The following SPHKAP variants were observed in gnomAD, a reference collection of about 807,000 sequenced individuals.
SPHKAP encodes the protein A-kinase anchor protein SPHKAP.
SPHKAP carries 67 observed loss-of-function variants against 137.5 expected under a neutral mutation model. That is an observed-to-expected ratio of 0.49 (90% confidence interval 0.40 to 0.60). The LOEUF is 0.60. Among genes scored for constraint, SPHKAP ranks in the 20% least tolerant of loss-of-function variants. SPHKAP has a pLI of 0.00. For synonymous variants in SPHKAP, 813 were observed against 785.3 expected (o/e 1.04, Z -0.59); for missense variants, 2,097 against 2,069.3 (o/e 1.01, Z -0.26).
intron 3 of SPHKAP, among the ~76,000 whole-genome samples, chr2:228,030,341 C>G (rs1695238525): frequency 6.6e-6 from 1 of 151,762 alleles, no homozygotes; most frequent in South Asian, 2.1e-4. Flanking sequence ...TGGTGAAACC[C>G]CGTCTCTACT....
At chr2:228,009,042 G>T (rs1052051078) in intron 7 of SPHKAP, among the ~76,000 whole-genome samples, 1 of 152,172 alleles carries the variant, frequency 6.6e-6, no homozygotes, top group African/African-American at 2.4e-5. Context: ...GGATTGTAAT[G>T]AATCTATAGA....
At chr2:228,025,624 TCATA>T in intron 4 of SPHKAP, 96 bp from the exon 5 acceptor site, 2 of 1,434,018 alleles carry the variant, frequency 1.4e-6, no homozygotes, top group Non-Finnish European at 1.9e-6. Context: ...TCATAACTGC[TCATA>T]CATATAGACT....
intron 11 of SPHKAP, chr2:227,982,223 C>T: frequency 3.5e-5 from 34 of 985,072 alleles, no homozygotes; most frequent in Non-Finnish European, 4.1e-5. Context: ...TATTACAGCT[C>T]CCAGTCCCTT....
At chr2:227,991,393 G>A in intron 9 of SPHKAP, 67 bp from the exon 10 acceptor site, 2 of 1,610,960 alleles carry the variant, frequency 1.2e-6, no homozygotes, top group East Asian at 4.5e-5. Context: ...TGAAAGATGA[G>A]GCGATGGGTC....
chr2:228,151,606 C>G (rs1486415442), intron 1 of SPHKAP, among the ~76,000 whole-genome samples: 1 of 152,066 alleles, frequency 6.6e-6, no homozygotes, highest in Admixed American at 6.5e-5. Context: ...TGTTTCCTGA[C>G]TTTTTAATGA....
intron 3 of SPHKAP, among the ~76,000 whole-genome samples, chr2:228,092,138 T>TATAC (rs761096866): frequency 7.4e-6 from 1 of 135,578 alleles, no homozygotes; most frequent in Non-Finnish European, 1.6e-5. Context: ...TATATGTGTG[T>TATAC]ACACATATAT....
intron 7 of SPHKAP, chr2:227,995,927 C>T (rs1693625740): frequency 1.0e-6 from 1 of 982,224 alleles, no homozygotes; most frequent in African/African-American, 1.7e-5. Context: ...TGACTCCCTC[C>T]AATCATTTGA....
intron 3 of SPHKAP, among the ~76,000 whole-genome samples, chr2:228,072,011 A>C (rs1159602101): frequency 6.6e-6 from 1 of 152,232 alleles, no homozygotes; most frequent in Non-Finnish European, 1.5e-5. Flanking sequence ...ACTGAGCAGC[A>C]CAGATTGGCC....
At chr2:228,113,188 A>G (rs199518897) in intron 2 of SPHKAP, among the ~76,000 whole-genome samples, 1 of 151,872 alleles carries the variant, frequency 6.6e-6, no homozygotes. Context: ...AATAAGATAT[A>G]TTTTTCCATA....
chr2:228,046,480 G>T (rs546246231), intron 3 of SPHKAP, among the ~76,000 whole-genome samples: 34 of 152,012 alleles, frequency 2.2e-4, no homozygotes, highest in East Asian at 1.4e-3. Flanking sequence ...AATAAATTTT[G>T]CACTTAAATT....
intron 3 of SPHKAP, among the ~76,000 whole-genome samples, chr2:228,071,285 C>A (rs1052465331): frequency 6.6e-6 from 1 of 152,184 alleles, no homozygotes; most frequent in Non-Finnish European, 1.5e-5. Flanking sequence ...AGTTTTCCCC[C>A]CAAATAGGGC....
intron 11 of SPHKAP, among the ~76,000 whole-genome samples, chr2:227,983,924 G>A (rs191290042): frequency 6.7e-6 from 1 of 149,614 alleles, no homozygotes; most frequent in African/African-American, 2.6e-5. Context: ...TATACGTTGT[G>A]GGGGTGAGAT....
chr2:228,016,722 C>T lies in SPHKAP; in HGVS notation c.4132G>A (p.Glu1378Lys), dbSNP rs747714256. Residue 1378 changes from glutamate to lysine, a missense_variant, in exon 7 of 12, where the codon GAA (glutamate) becomes AAA (lysine). By Grantham distance (56) the Glu-to-Lys change is moderately conservative (BLOSUM62 1). Transcript: ENST00000392056. ...LDCPRKDSVT[E>K]CKQPPVSSLS... is the part of the protein sequence containing the mutation. ...GATGACACTGGGGGCTGTTTACATT[C>T]GGTAACAGAGTCTTTCCTCGGGCAA... 20 of 1,613,970 alleles carry T rather than the reference C, an allele frequency of 1.2e-5. No homozygotes were observed. Among genetic ancestry groups the T allele is most frequent in the South Asian group, 3.3e-5 (3 of 91,068 alleles).
chr2:227,990,541 G>A (rs895864862), intron 11 of SPHKAP, among the ~76,000 whole-genome samples: 3 of 152,110 alleles, frequency 2.0e-5, no homozygotes, highest in African/African-American at 7.2e-5. Flanking sequence ...CTGGTAGGTG[G>A]AGAATAATAA....
intron 3 of SPHKAP, among the ~76,000 whole-genome samples, chr2:228,057,749 T>C (rs1327477498): frequency 6.6e-6 from 1 of 152,044 alleles, no homozygotes; most frequent in Non-Finnish European, 1.5e-5. Flanking sequence ...AGAAGAATGG[T>C]GGATATTGAG....
At position 228,065,619 on chromosome 2, in the gene SPHKAP, T is replaced by A. The variant is rs1696799169; in HGVS notation, c.247-38076A>T. Reference sequence around the variant, plus strand: ...TTTCTAGCCATTTCATTGTGCCTGGTCCCCTTAGGGTTTTGAGTTTGTGAT... The same window carrying A: ...TTTCTAGCCATTTCATTGTGCCTGGACCCCTTAGGGTTTTGAGTTTGTGAT... On this transcript the variant is annotated intron_variant, in intron 3 of 11. Coordinates refer to ENST00000392056, the MANE Select transcript of SPHKAP (RefSeq NM_001142644.2). Among the ~76,000 whole-genome samples the A allele has an allele frequency of 1.3e-5, 2 of 152,198 alleles. 1 individual carries two copies. Among genetic ancestry groups the A allele is most frequent in the South Asian group, 4.1e-4 (2 of 4,836 alleles).
At chr2:228,087,448 A>G (rs1236505107) in intron 3 of SPHKAP, among the ~76,000 whole-genome samples, 1 of 152,214 alleles carries the variant, frequency 6.6e-6, no homozygotes, top group African/African-American at 2.4e-5. Context: ...AGCAGGCAAC[A>G]GAAGCTGACT....
At chr2:228,074,629 G>T (rs1173944041) in intron 3 of SPHKAP, among the ~76,000 whole-genome samples, 1 of 152,122 alleles carries the variant, frequency 6.6e-6, no homozygotes, top group African/African-American at 2.4e-5. Context: ...AATTCAAGGT[G>T]GGGTGGGGAC....
rs895316123 is a variant in SPHKAP at position 228,017,388 on chromosome 2, C to T, written c.3466G>A (p.Ala1156Thr). The change falls in exon 7 of 12, where the codon GCC becomes ACC. Residue 1156 changes from alanine (A) to threonine (T), a missense_variant. By Grantham distance (58) the Ala-to-Thr change is moderately conservative. Coordinates refer to ENST00000392056, the MANE Select transcript of SPHKAP (RefSeq NM_001142644.2). ...LLLDYYAGKN[A>T]SSILNSAMQQ... ...ATGGCTGAGTTCAGAATGCTGCTGGCGTTCTTGCCAGCATAGTAATCCAGC... is the reference window on the plus strand; with the variant it reads ...ATGGCTGAGTTCAGAATGCTGCTGGTGTTCTTGCCAGCATAGTAATCCAGC... 8.1e-6 allele frequency: 13 copies of T among 1,613,794 alleles called. No individual in the cohort carries two copies. Among genetic ancestry groups the T allele is most frequent in the African/African-American group, 8.0e-5 (6 of 74,926 alleles).
Sources: gnomAD v4.1 joint callset for allele counts (sites outside exome capture counted in the v4.1 genomes callset) on GRCh38, gnomAD v4.1.1 for gene constraint, MANE v1.5 for transcripts, NCBI Gene and HGNC (gene_info 2026-07-23, HGNC 2026-07-21) for gene names.